Variants in ARHGAP11A observed in about 807,000 individuals in gnomAD.
The protein encoded by ARHGAP11A is rho GTPase-activating protein 11A.
ARHGAP11A carries 36 observed loss-of-function variants against 60.5 expected under a neutral mutation model. That is an observed-to-expected ratio of 0.59 (90% CI 0.46 to 0.79). The LOEUF (loss-of-function observed/expected upper bound fraction) is 0.79, where lower values mean the gene tolerates loss of function less well. ARHGAP11A is among the 30% of genes least tolerant of loss of function. ARHGAP11A has a pLI of 0.00. For missense variants in ARHGAP11A, 1,071 were observed against 1,199.2 expected (o/e 0.89, Z 1.58); for synonymous variants, 362 against 415.5 (o/e 0.87, Z 1.57).
intron 8 of ARHGAP11A, 112 bp downstream of exon 8, chr15:32,629,874 C>A: frequency 1.4e-6 from 1 of 712,742 alleles, no homozygotes; most frequent in Non-Finnish European, 2.2e-6. Flanking sequence ...GAACTTTATT[C>A]TGTTTTATCC....
chr15:32,627,026 C>A (rs547585804), intron 6 of ARHGAP11A, among the ~76,000 whole-genome samples: 11 of 152,338 alleles, frequency 7.2e-5, no homozygotes, highest in African/African-American at 1.9e-4. Flanking sequence ...TTCCTATCCC[C>A]AATGGAGATA....
intron 2 of ARHGAP11A, among the ~76,000 whole-genome samples, chr15:32,621,491 T>G (rs2053305101): frequency 6.6e-6 from 1 of 152,244 alleles, no homozygotes; most frequent in African/African-American, 2.4e-5. Flanking sequence ...TGCTGGCCTA[T>G]TCTAACTGCA....
chr15:32,623,464 T>C, intron 2 of ARHGAP11A, 28 bp from the exon 3 acceptor site: 1 of 1,599,962 alleles, frequency 6.3e-7, no homozygotes, highest in Non-Finnish European at 8.6e-7. Flanking sequence ...TATGTATGTC[T>C]AGCCACCTGA....
In ARHGAP11A at chr15:32,637,375, T is replaced by G. The variant is rs2053745039; in HGVS notation, c.2602T>G (p.Ser868Ala). ...GTTGGCGAGTCTTGGTGATACAGCT[T>G]CTCCTTTGGTCAAATCAGTGAGCTG... is the stretch of plus-strand genomic sequence containing the variant. ...HKLASLGDTASPLVKSVSCDG... is the reference protein window; with the variant it reads ...HKLASLGDTAAPLVKSVSCDG... Residue 868 changes from serine to alanine, a missense_variant, in exon 12 of 12, where the codon TCT becomes GCT. Ser to Ala is a moderately conservative substitution (Grantham distance 99). Transcript: ENST00000361627. 1 of 1,614,130 alleles carries G rather than the reference T, an allele frequency of 6.2e-7. No homozygotes were observed. Among genetic ancestry groups the G allele is most frequent in the Admixed American group, 1.7e-5 (1 of 60,016 alleles).
In ARHGAP11A at chr15:32,636,239, T is replaced by A; in HGVS notation, c.1484-18T>A. ...AGGTTAAATACAAAGGATTAAGCACTGAACTGCTTTATTTTAGGTTCAGAA... is the reference window on the plus strand; with the variant it reads ...AGGTTAAATACAAAGGATTAAGCACAGAACTGCTTTATTTTAGGTTCAGAA... On this transcript the variant is annotated intron_variant, in intron 11 of 11. Transcript: ENST00000361627. 6.4e-7 allele frequency: 1 copy of A among 1,564,356 alleles called. No homozygotes were observed. The highest frequency in any genetic ancestry group is 1.2e-5 in the South Asian group (1 of 81,278).
At chr15:32,628,187 G>T (rs2053509536) in intron 6 of ARHGAP11A, among the ~76,000 whole-genome samples, 1 of 152,080 alleles carries the variant, frequency 6.6e-6, no homozygotes, top group African/African-American at 2.4e-5. Flanking sequence ...TTGGTAATAG[G>T]GATATTTATA....
intron 10 of ARHGAP11A, 70 bp downstream of exon 10, chr15:32,634,111 C>T (rs1020555987): frequency 1.8e-5 from 18 of 1,006,682 alleles, no homozygotes; most frequent in African/African-American, 3.4e-5. Context: ...AAAAAACACT[C>T]ATAGCCCTAC....
At chr15:32,623,429 A>T in intron 2 of ARHGAP11A, 63 bp from the exon 3 acceptor site, 1 of 1,471,640 alleles carries the variant, frequency 6.8e-7, no homozygotes, top group Non-Finnish European at 9.4e-7. Context: ...CTGCTCATGT[A>T]TGTTAGCAGA....
chr15:32,622,433 A>G (rs1411092184), intron 2 of ARHGAP11A, among the ~76,000 whole-genome samples: 1 of 152,152 alleles, frequency 6.6e-6, no homozygotes, highest in Non-Finnish European at 1.5e-5. Flanking sequence ...CTAAAAGAAA[A>G]AAAAAAGCAG....
At position 32,633,958 on chromosome 15, in the gene ARHGAP11A, T is replaced by C; in HGVS notation, c.1261T>C (p.Phe421Leu). The change falls in exon 10 of 12, where the codon TTT (phenylalanine) becomes CTT (leucine). Residue 421 changes from phenylalanine to leucine, a missense_variant. Physicochemically the swap from Phe to Leu is conservative, Grantham distance 22. Transcript: ENST00000361627. ...CRVESGKAGC[F>L]SPKISHKEKV... Reference sequence around the variant, plus strand: ...AGTGGAATCAGGAAAAGCAGGCTGCTTTTCTCCTAAAATCAGCCATAAAGA... The same window carrying C: ...AGTGGAATCAGGAAAAGCAGGCTGCCTTTCTCCTAAAATCAGCCATAAAGA... 2 of 1,604,686 alleles carry C rather than the reference T, an allele frequency of 1.2e-6. No homozygotes were observed. Among genetic ancestry groups the C allele is most frequent in the South Asian group, 1.1e-5 (1 of 88,640 alleles).
chr15:32,635,871 G>T lies in ARHGAP11A; in HGVS notation c.1439G>T (p.Gly480Val), dbSNP rs759353935. The change falls in exon 11 of 12, where the codon GGT (glycine) becomes GTT (valine). Residue 480 changes from glycine (G) to valine (V), a missense_variant. By Grantham distance (109) the Gly-to-Val change is moderately radical. This residue lies in a region of ARHGAP11A where 776 missense variants were observed against 760.2 expected (regional missense o/e 1.02). Transcript: ENST00000361627. ...LKNRIESVKTGLLFSPDVDEK... is the reference protein window; with the variant it reads ...LKNRIESVKTVLLFSPDVDEK... Reference sequence around the variant, plus strand: ...AATCGAATTGAATCTGTAAAAACAGGTTTGCTTTTTAGCCCAGATGTTGAT... The same window carrying T: ...AATCGAATTGAATCTGTAAAAACAGTTTTGCTTTTTAGCCCAGATGTTGAT... 5.0e-6 allele frequency: 8 copies of T among 1,610,950 alleles called. No individual in the cohort carries two copies. Among genetic ancestry groups the T allele is most frequent in the Non-Finnish European group, 6.8e-6 (8 of 1,179,066 alleles).
chr15:32,625,065 G>C lies in ARHGAP11A; in HGVS notation c.552-15G>C, dbSNP rs534203572. 6.2e-7 allele frequency: 1 copy of C among 1,613,222 alleles called. No individual in the cohort carries two copies. The highest frequency in any genetic ancestry group is 1.3e-5 in the African/African-American group (1 of 74,858). ...CACGTTTGGCTCCATCTAATAAAGCGTTTATTCACTTAAGATCCAGTGAGA... is the reference window on the plus strand; with the variant it reads ...CACGTTTGGCTCCATCTAATAAAGCCTTTATTCACTTAAGATCCAGTGAGA... On this transcript the variant is annotated splice_polypyrimidine_tract_variant and intron_variant, in intron 4 of 11. Transcript: ENST00000361627.
chr15:32,618,204 A>C (rs919297196), intron 1 of ARHGAP11A, among the ~76,000 whole-genome samples: 1 of 152,208 alleles, frequency 6.6e-6, no homozygotes, highest in Non-Finnish European at 1.5e-5. Context: ...TGTAGTTTTA[A>C]GTTTTAAAAA....
At chr15:32,622,788 G>A (rs1196656252) in intron 2 of ARHGAP11A, among the ~76,000 whole-genome samples, 2 of 152,092 alleles carry the variant, frequency 1.3e-5, no homozygotes, top group African/African-American at 4.8e-5. Context: ...GAGGGATAAT[G>A]TTGGGGTGAG....
intron 1 of ARHGAP11A, 79 bp from the exon 2 acceptor site, chr15:32,620,029 T>C (rs898862330): frequency 5.9e-5 from 92 of 1,546,910 alleles, no homozygotes; most frequent in Non-Finnish European, 7.6e-5. Flanking sequence ...TTTCCTGAGT[T>C]CTTTAATTTG....
chr15:32,622,010 T>G (rs1425063675), intron 2 of ARHGAP11A, among the ~76,000 whole-genome samples: 1 of 152,310 alleles, frequency 6.6e-6, no homozygotes, highest in Non-Finnish European at 1.5e-5. Flanking sequence ...TAGGACAGTT[T>G]CCCCCCATTC....
intron 1 of ARHGAP11A, among the ~76,000 whole-genome samples, chr15:32,618,184 G>A (rs966118552): frequency 6.6e-6 from 1 of 152,164 alleles, no homozygotes; most frequent in African/African-American, 2.4e-5. Flanking sequence ...ACTGGTGTTT[G>A]TTAGCTAACT....
Position 32,636,952 on chromosome 15 carries a change from C to T in ARHGAP11A, c.2179C>T (p.Gln727Ter). The change falls in exon 12 of 12, where the codon CAG becomes TAG. Residue 727 changes from glutamine to a stop codon, truncating the protein, a stop_gained. Coordinates refer to ENST00000361627, the MANE Select transcript of ARHGAP11A (RefSeq NM_014783.6). LOFTEE classifies it low-confidence loss of function (END_TRUNC). ...CAGTGATGAAGAAATAAAGAAACAG[C>T]AGTCCCCAAAGGATAAACTAAATAA... Reference protein sequence around the residue: ...FSSDEEIKKQQSPKDKLNNKL... With the variant: ...FSSDEEIKKQ 1 of 1,609,728 alleles carries T rather than the reference C, an allele frequency of 6.2e-7. No homozygotes were observed. Among genetic ancestry groups the T allele is most frequent in the Non-Finnish European group, 8.5e-7 (1 of 1,178,816 alleles).
rs1279564231 is a variant in ARHGAP11A, at chr15:32,635,784, G to T, written c.1352G>T (p.Cys451Phe). 5 of 1,599,716 alleles carry T rather than the reference G, an allele frequency of 3.1e-6. No individual in the cohort carries two copies. The highest frequency in any genetic ancestry group is 1.7e-6 in the Non-Finnish European group (2 of 1,174,642). The stretch of plus-strand genomic sequence containing the variant: ...TTTTTTTTTTCTGTACAGAATGGAT[G>T]TTCTGGTGTCAATAGATATGAAAGT... ...LGKNGREVNGCSGVNRYESVG... is the reference protein window; with the variant it reads ...LGKNGREVNGFSGVNRYESVG... Residue 451 changes from cysteine to phenylalanine, a missense_variant, in exon 11 of 12, where the codon TGT becomes TTT. Physicochemically the swap from Cys to Phe is radical, Grantham distance 205. This residue lies in a region of ARHGAP11A where 776 missense variants were observed against 760.2 expected (regional missense o/e 1.02). Transcript: ENST00000361627.
Sources: gnomAD v4.1 joint callset for allele counts (sites outside exome capture counted in the v4.1 genomes callset) on GRCh38, gnomAD v4.1.1 for gene constraint, gnomAD v4.1.1 regional missense constraint, MANE v1.5 for transcripts, NCBI Gene and HGNC (gene_info 2026-07-23, HGNC 2026-07-21) for gene names.